Variants in NTRK2 observed in about 807,000 individuals in gnomAD.
NTRK2 encodes the protein BDNF/NT-3 growth factors receptor.
Under a neutral mutation model 94.5 loss-of-function variants are expected in NTRK2, and 13 were observed. That is an observed-to-expected ratio of 0.14 (90% CI 0.09 to 0.22). NTRK2 has a LOEUF of 0.22. Ranked by LOEUF, NTRK2 falls within the 10% of genes least tolerant of loss-of-function variation. The pLI, the probability that NTRK2 is intolerant of heterozygous loss-of-function variation, is 1.00. For missense variants in NTRK2, 639 were observed against 1,071.2 expected (o/e 0.60, Z 5.63); for synonymous variants, 372 against 407.4 (o/e 0.91, Z 1.05).
At chr9:84,775,281 A>G (rs1473786420) in intron 12 of NTRK2, among the ~76,000 whole-genome samples, 1 of 152,222 alleles carries the variant, frequency 6.6e-6, no homozygotes, top group Non-Finnish European at 1.5e-5. Flanking sequence ...TCCCACAGCA[A>G]GGAGGTGACA....
intron 17 of NTRK2, among the ~76,000 whole-genome samples, chr9:85,006,666 T>A (rs1019135675): frequency 2.7e-5 from 4 of 150,058 alleles, no homozygotes; most frequent in Non-Finnish European, 5.9e-5. Flanking sequence ...CAGCTCCCTC[T>A]CACACTGTCC....
At chr9:84,896,807 G>C (rs1216102262) in intron 14 of NTRK2, among the ~76,000 whole-genome samples, 1 of 152,148 alleles carries the variant, frequency 6.6e-6, no homozygotes, top group Non-Finnish European at 1.5e-5. Flanking sequence ...CCTCTCCCTA[G>C]GAGTGGCTCC....
At chr9:84,862,322 GATGTGT>G (rs1231514139) in intron 13 of NTRK2, among the ~76,000 whole-genome samples, 7 of 152,198 alleles carry the variant, frequency 4.6e-5, no homozygotes, top group Non-Finnish European at 1.0e-4. Flanking sequence ...TTACGGGTTT[GATGTGT>G]ATGCGTGCGT....
At chr9:84,981,009 A>G (rs961557075) in intron 17 of NTRK2, among the ~76,000 whole-genome samples, 19 of 152,216 alleles carry the variant, frequency 1.2e-4, no homozygotes, top group African/African-American at 4.3e-4. Flanking sequence ...AAAATCAACC[A>G]GATTTCCCAA....
At chr9:84,794,740 G>A (rs989224741) in intron 12 of NTRK2, among the ~76,000 whole-genome samples, 140 of 152,264 alleles carry the variant, frequency 9.2e-4, no homozygotes, top group Middle Eastern at 3.4e-3. Flanking sequence ...TGCATATAAA[G>A]GGACTTTGGG....
intron 2 of NTRK2, among the ~76,000 whole-genome samples, chr9:84,690,766 T>C (rs1301323589): frequency 6.6e-6 from 1 of 152,082 alleles, no homozygotes; most frequent in Non-Finnish European, 1.5e-5. Context: ...GATTGAAGTT[T>C]CAAGATTTTA....
chr9:84,708,790 T>C (rs1275692335), intron 5 of NTRK2, among the ~76,000 whole-genome samples: 1 of 152,212 alleles, frequency 6.6e-6, no homozygotes, highest in Non-Finnish European at 1.5e-5. Flanking sequence ...AACAAGTTAA[T>C]AGGTGTAATG....
intron 9 of NTRK2, among the ~76,000 whole-genome samples, chr9:84,734,591 A>G (rs1394999079): frequency 6.6e-6 from 1 of 152,176 alleles, no homozygotes; most frequent in African/African-American, 2.4e-5. Context: ...ATGGGAGGTA[A>G]TTGAATCATG....
At chr9:84,834,361 G>A (rs891852753) in intron 12 of NTRK2, among the ~76,000 whole-genome samples, 5 of 152,138 alleles carry the variant, frequency 3.3e-5, no homozygotes, top group African/African-American at 1.2e-4. Context: ...AATAGCAGGT[G>A]TCTGATTCTA....
intron 14 of NTRK2, among the ~76,000 whole-genome samples, chr9:84,889,012 AC>A: frequency 1.7e-5 from 1 of 59,216 alleles, no homozygotes; most frequent in Admixed American, 2.6e-4. Flanking sequence ...TTTTTTTGAG[AC>A]GGAGTCTCGC....
intron 11 of NTRK2, among the ~76,000 whole-genome samples, chr9:84,745,316 G>A (rs2063974140): frequency 6.6e-6 from 1 of 152,092 alleles, no homozygotes; most frequent in Non-Finnish European, 1.5e-5. Flanking sequence ...TCAATTATCT[G>A]TGCTTTAGAA....
intron 12 of NTRK2, among the ~76,000 whole-genome samples, chr9:84,783,244 G>A (rs2067779277): frequency 6.6e-6 from 1 of 152,200 alleles, no homozygotes; most frequent in South Asian, 2.1e-4. Context: ...CTTCTTGACA[G>A]TGCTCTTTAT....
At chr9:84,898,973 T>C (rs1190834309) in intron 14 of NTRK2, among the ~76,000 whole-genome samples, 1 of 152,210 alleles carries the variant, frequency 6.6e-6, no homozygotes, top group East Asian at 1.9e-4. Flanking sequence ...AGTGCTGGGA[T>C]TACAGGCGTC....
At chr9:84,778,301 G>T (rs1449367109) in intron 12 of NTRK2, among the ~76,000 whole-genome samples, 4 of 152,044 alleles carry the variant, frequency 2.6e-5, no homozygotes, top group Admixed American at 2.6e-4. Flanking sequence ...CTTAAATTGT[G>T]GGTTTAACTA....
intron 16 of NTRK2, among the ~76,000 whole-genome samples, chr9:84,951,513 C>T (rs7875642): frequency 0.011 from 1,641 of 152,172 alleles, 27 homozygotes; most frequent in African/African-American, 0.037. Flanking sequence ...TAAATGCTTC[C>T]GTGAGCTCAC....
chr9:84,684,032 T>A (rs890613168), intron 2 of NTRK2, among the ~76,000 whole-genome samples: 2 of 110,836 alleles, frequency 1.8e-5, no homozygotes, highest in Non-Finnish European at 1.9e-5. Context: ...CTTTGCCCAC[T>A]TTTTTTATGG....
chr9:84,955,270 T>C lies in NTRK2; in HGVS notation c.1938-13T>C, dbSNP rs201859417. On this transcript the variant is annotated splice_polypyrimidine_tract_variant and intron_variant, in intron 16 of 18. Transcript: ENST00000277120. ...CTGAGGCCCCCAGCTTCATTCTCCA[T>C]GTCCTTCCCCAGGGCACACGGCCCT... is the stretch of plus-strand genomic sequence containing the variant. 5 of 1,585,614 alleles carry C rather than the reference T, an allele frequency of 3.2e-6. No homozygotes were observed. The highest frequency in any genetic ancestry group is 2.3e-5 in the East Asian group (1 of 42,844).
At chr9:84,991,007 G>A (rs956056838) in intron 17 of NTRK2, among the ~76,000 whole-genome samples, 10 of 152,064 alleles carry the variant, frequency 6.6e-5, no homozygotes, top group African/African-American at 2.4e-4. Flanking sequence ...AACATCAAAA[G>A]TCTTGGGTCA....
intron 15 of NTRK2, among the ~76,000 whole-genome samples, chr9:84,942,825 C>A (rs1415863798): frequency 1.3e-5 from 2 of 151,846 alleles, no homozygotes; most frequent in Non-Finnish European, 2.9e-5. Flanking sequence ...AATTTCAAAT[C>A]ATCACTAGCC....
Sources: gnomAD v4.1 joint callset for allele counts (sites outside exome capture counted in the v4.1 genomes callset) on GRCh38, gnomAD v4.1.1 for gene constraint, MANE v1.5 for transcripts, NCBI Gene and HGNC (gene_info 2026-07-23, HGNC 2026-07-21) for gene names.